Variants in AGAP1 observed in about 807,000 individuals in gnomAD.
AGAP1 encodes arf-GAP with GTPase, ANK repeat and PH domain-containing protein 1.
In AGAP1, 29 loss-of-function variants were observed where a neutral mutation model predicts 105.3. The ratio of observed to expected loss-of-function variants is 0.28; its 90% CI spans 0.21 to 0.38. The LOEUF (loss-of-function observed/expected upper bound fraction) is 0.38, where lower values mean the gene tolerates loss of function less well. Ranked by LOEUF, AGAP1 falls within the 10% of genes least tolerant of loss-of-function variation. The probability of loss-of-function intolerance (pLI) is 1.00; values close to 1 mark genes in which losing one functional copy is unlikely to be tolerated. For synonymous variants in AGAP1, 509 were observed against 485.9 expected, an observed-to-expected ratio of 1.05 and a Z score of -0.63; for missense variants, 998 against 1,165.1, an observed-to-expected ratio of 0.86 and a Z score of 2.09.
At chr2:235,925,552 T>C (rs1235518925) in intron 11 of AGAP1, among the ~76,000 whole-genome samples, 3 of 152,210 alleles carry the variant, frequency 2.0e-5, no homozygotes, top group African/African-American at 7.2e-5. Flanking sequence ...TCTATTAGCC[T>C]TCCTGAACTG....
chr2:236,040,664 C>CTGT lies in AGAP1; in HGVS notation c.1801-85_1801-83dup, dbSNP rs1347576697. 1.6e-6 allele frequency: 2 copies of CTGT among 1,256,630 alleles called. No homozygotes were observed. The highest frequency in any genetic ancestry group is 3.0e-5 in the African/African-American group (2 of 67,572). 77.8% of individuals were successfully genotyped at this position (1,256,630 alleles called of 1,614,324 possible). A position where few individuals can be genotyped will look rare whatever the true frequency, so the allele number is the denominator to read the frequency against. ...CCCTCGTCCTACATTTGCTCCCAAT[C>CTGT]TGTTTGATCTTTCCCTGATGTTATC... On this transcript the variant is annotated intron_variant, in intron 14 of 17. Transcript: ENST00000304032. The surrounding 1 kb of genome is among the most constrained non-coding windows in gnomAD (Gnocchi z 5.6).
In AGAP1 at chr2:235,574,408, G is replaced by A. The variant is rs1396151960; in HGVS notation, c.163+79559G>A. 6.6e-6 allele frequency among the ~76,000 whole-genome samples: 1 copy of A among 152,222 alleles called. No homozygotes were observed. The highest frequency in any genetic ancestry group is 1.5e-5 in the Non-Finnish European group (1 of 68,042). On this transcript the variant is annotated intron_variant, in intron 1 of 17. Coordinates refer to ENST00000304032, the MANE Select transcript of AGAP1 (RefSeq NM_001037131.3). This position sits in a 1 kb window ranked among gnomAD's most constrained non-coding sequence, Gnocchi z 5.0. ...TTGCTAAATGCATAAACTGTATAAC[G>A]AAATGTAATTAGTGAAGGTGCATTA...
chr2:235,887,645 C>T lies in AGAP1; in HGVS notation c.1155+4196C>T, dbSNP rs892658419. On this transcript the variant is annotated intron_variant, in intron 10 of 17. Transcript: ENST00000304032. This position sits in a 1 kb window ranked among gnomAD's most constrained non-coding sequence, Gnocchi z 4.1. ...ATCTCATATAGCATAGCCTACAGCC[C>T]GTTCTTTTCCACAGAGCCCAGGAAA... 1.3e-5 allele frequency among the ~76,000 whole-genome samples: 2 copies of T among 152,152 alleles called. No individual in the cohort carries two copies. Among genetic ancestry groups the T allele is most frequent in the Non-Finnish European group, 2.9e-5 (2 of 68,038 alleles).
At chr2:235,776,277 T>A (rs961622280) in intron 6 of AGAP1, among the ~76,000 whole-genome samples, 17 of 152,012 alleles carry the variant, frequency 1.1e-4, no homozygotes, top group African/African-American at 3.9e-4. Context: ...TCAGGACTGG[T>A]GTTGCCTCCT....
rs1417952253 is a variant in AGAP1, at chr2:235,566,135, A to G, written c.163+71286A>G. 2.0e-5 allele frequency among the ~76,000 whole-genome samples: 3 copies of G among 151,716 alleles called. No homozygotes were observed. The highest frequency in any genetic ancestry group is 1.3e-4 in the Admixed American group (2 of 15,224). ...GAGGTGGAGTTTCACTCTGTCGCCC[A>G]GGCTAGAGTGCAGTGGCGCAACCTC... On this transcript the variant is annotated intron_variant, in intron 1 of 17. Coordinates refer to ENST00000304032, the MANE Select transcript of AGAP1 (RefSeq NM_001037131.3). The surrounding 1 kb of genome is among the most constrained non-coding windows in gnomAD (Gnocchi z 5.2).
At chr2:235,949,091 C>T (rs1163988099) in intron 12 of AGAP1, among the ~76,000 whole-genome samples, 4 of 152,228 alleles carry the variant, frequency 2.6e-5, no homozygotes, top group Non-Finnish European at 5.9e-5. Context: ...CCAGCCCCTT[C>T]TCCCTGGGTG....
Position 235,566,625 on chromosome 2 carries a change from G to T in AGAP1, c.163+71776G>T. On this transcript the variant is annotated intron_variant, in intron 1 of 17. Transcript: ENST00000304032. The surrounding 1 kb of genome is among the most constrained non-coding windows in gnomAD (Gnocchi z 5.2). ...TCTGTCTCCTGCCTCTCTTATTTAT[G>T]TTGTATGCCTGACACCTTCCTCATG... The T allele has an allele frequency of 1.0e-6, 1 of 983,526 alleles. No individual in the cohort carries two copies. The highest frequency in any genetic ancestry group is 1.1e-4 in the East Asian group (1 of 8,796). 60.9% of individuals were successfully genotyped at this position (983,526 alleles called of 1,614,324 possible). A position where few individuals can be genotyped will look rare whatever the true frequency, so the allele number is the denominator to read the frequency against.
chr2:236,060,196 A>T (rs764498792), intron 16 of AGAP1, among the ~76,000 whole-genome samples: 6 of 152,240 alleles, frequency 3.9e-5, no homozygotes, highest in Non-Finnish European at 7.3e-5. Context: ...AATCTTTGTG[A>T]CTTTAGATTA....
At chr2:235,684,009 G>A (rs754796010) in intron 1 of AGAP1, among the ~76,000 whole-genome samples, 1 of 151,926 alleles carries the variant, frequency 6.6e-6, no homozygotes, top group Non-Finnish European at 1.5e-5. Context: ...CTTCATCCAC[G>A]TCCCTGCAGA....
Position 235,690,046 on chromosome 2 carries a change from G to T in AGAP1, c.164-19133G>T, listed in dbSNP as rs1418651431. Among the ~76,000 whole-genome samples, 4 of 152,146 alleles carry T rather than the reference G, an allele frequency of 2.6e-5. No homozygotes were observed. The highest frequency in any genetic ancestry group is 9.7e-5 in the African/African-American group (4 of 41,428). ...ACAGCAAATGCAAAGGTGACTGGGA[G>T]TTCTAAGCCCCTGGGTGTCTCTCCC... On this transcript the variant is annotated intron_variant, in intron 1 of 17. Coordinates refer to ENST00000304032, the MANE Select transcript of AGAP1 (RefSeq NM_001037131.3). This position sits in a 1 kb window ranked among gnomAD's most constrained non-coding sequence, Gnocchi z 4.1.
chr2:235,926,811 G>T (rs1278117308), intron 11 of AGAP1, among the ~76,000 whole-genome samples: 1 of 152,184 alleles, frequency 6.6e-6, no homozygotes, highest in Non-Finnish European at 1.5e-5. Flanking sequence ...GCAGGTGTGA[G>T]CCTGGGCAAC....
chr2:235,527,650 A>G (rs1349936638), intron 1 of AGAP1, among the ~76,000 whole-genome samples: 1 of 152,156 alleles, frequency 6.6e-6, no homozygotes, highest in Non-Finnish European at 1.5e-5. Flanking sequence ...AGCGTCCCGA[A>G]GTGCTGGAAT....
intron 12 of AGAP1, among the ~76,000 whole-genome samples, chr2:235,949,538 A>G (rs1296814692): frequency 6.6e-6 from 1 of 152,108 alleles, no homozygotes; most frequent in Non-Finnish European, 1.5e-5. Context: ...AACTGAACAG[A>G]TCTGCTTAAA....
rs1222033329 is a variant in AGAP1, at chr2:235,599,059, A to G, written c.163+104210A>G. 6.6e-6 allele frequency among the ~76,000 whole-genome samples: 1 copy of G among 152,088 alleles called. No individual in the cohort carries two copies. Among genetic ancestry groups the G allele is most frequent in the Non-Finnish European group, 1.5e-5 (1 of 68,026 alleles). ...ACTGCTGTCCTCGGAGCAGGTAGGA[A>G]TGTATTTATTTACTCGCATGCCTTC... On this transcript the variant is annotated intron_variant, in intron 1 of 17. Coordinates refer to ENST00000304032, the MANE Select transcript of AGAP1 (RefSeq NM_001037131.3). The surrounding 1 kb of genome is among the most constrained non-coding windows in gnomAD (Gnocchi z 5.3).
rs1473150881 is a variant in AGAP1, at chr2:235,599,796, G to A, written c.163+104947G>A. 6.6e-6 allele frequency among the ~76,000 whole-genome samples: 1 copy of A among 152,178 alleles called. No individual in the cohort carries two copies. The highest frequency in any genetic ancestry group is 1.5e-5 in the Non-Finnish European group (1 of 68,028). ...GGTTCAGAGAGAGCGCCTGCCCCAG[G>A]GCTGGGAAGATGAGCAGGGATCCTG... On this transcript the variant is annotated intron_variant, in intron 1 of 17. Transcript: ENST00000304032. This position sits in a 1 kb window ranked among gnomAD's most constrained non-coding sequence, Gnocchi z 5.3.
Position 236,125,973 on chromosome 2 carries a change from TC to T in AGAP1, c.*1853del, listed in dbSNP as rs1460850083. ...CACGCACCGGCAGCCTCCGGGGTGT[TC>T]CTCGCTCTCTCGTATGTTAAACCTT... On this transcript the variant is annotated 3_prime_UTR_variant, in exon 18 of 18. Coordinates refer to ENST00000304032, the MANE Select transcript of AGAP1 (RefSeq NM_001037131.3). The surrounding 1 kb of genome is among the most constrained non-coding windows in gnomAD (Gnocchi z 5.2). 2 of 147,788 alleles carry T rather than the reference TC, an allele frequency of 1.4e-5. No individual in the cohort carries two copies. Among genetic ancestry groups the T allele is most frequent in the East Asian group, 4.1e-4 (2 of 4,862 alleles). The allele number at this position is 147,788 out of a possible 1,614,324, so 9.2% of individuals were successfully genotyped here.
chr2:235,952,239 A>G (rs1263420066), intron 12 of AGAP1, among the ~76,000 whole-genome samples: 2 of 151,484 alleles, frequency 1.3e-5, no homozygotes, highest in African/African-American at 2.4e-5. Flanking sequence ...CAGAATCTAC[A>G]TAAAATATGC....
At chr2:235,822,525 A>G (rs577153625) in intron 9 of AGAP1, among the ~76,000 whole-genome samples, 4 of 150,894 alleles carry the variant, frequency 2.7e-5, no homozygotes, top group Middle Eastern at 3.5e-3. Flanking sequence ...CAGCTCAAGA[A>G]TGAAGAGAAG....
rs1375007785 is a variant in AGAP1, at chr2:235,891,025, A to C, written c.1155+7576A>C. Among the ~76,000 whole-genome samples, 3 of 151,758 alleles carry C rather than the reference A, an allele frequency of 2.0e-5. No homozygotes were observed. Among genetic ancestry groups the C allele is most frequent in the East Asian group, 3.9e-4 (2 of 5,164 alleles). ...GAAACCAAAACCCAGTTGAGATAAC[A>C]GATAGAAAACTCAACCAAATAATGA... On this transcript the variant is annotated intron_variant, in intron 10 of 17. Transcript: ENST00000304032. The surrounding 1 kb of genome is among the most constrained non-coding windows in gnomAD (Gnocchi z 4.2).
Sources: gnomAD v4.1 joint callset for allele counts (sites outside exome capture counted in the v4.1 genomes callset) on GRCh38, gnomAD v4.1.1 for gene constraint, Gnocchi (gnomAD v3.1) non-coding constraint, MANE v1.5 for transcripts, NCBI Gene and HGNC (gene_info 2026-07-23, HGNC 2026-07-21) for gene names.